Variants in LINGO2 observed in about 807,000 individuals in gnomAD.
LINGO2 encodes leucine rich repeat and Ig domain containing 2.
Under a neutral mutation model 30.6 loss-of-function variants are expected in LINGO2, and 14 were observed. The observed-to-expected ratio is 0.46, with a 90% CI of 0.30 to 0.72. The LOEUF (loss-of-function observed/expected upper bound fraction) is 0.72. LINGO2 is among the 30% of genes least tolerant of loss of function. The pLI is 0.07. For missense variants in LINGO2, 729 were observed against 751.7 expected (o/e 0.97, Z 0.35); for synonymous variants, 317 against 288.5 (o/e 1.10, Z -1.00).
intron 4 of LINGO2, among the ~76,000 whole-genome samples, chr9:28,076,506 T>C (rs555447876): frequency 6.6e-6 from 1 of 152,158 alleles, no homozygotes; most frequent in South Asian, 2.1e-4. Flanking sequence ...ACAAGTTAGA[T>C]GTTATGATGT....
At chr9:28,069,999 G>A (rs1825425822) in intron 4 of LINGO2, among the ~76,000 whole-genome samples, 1 of 152,168 alleles carries the variant, frequency 6.6e-6, no homozygotes, top group Non-Finnish European at 1.5e-5. Context: ...AACAGCAGAT[G>A]GGCAGTGCAG....
chr9:28,488,888 A>G (rs1826276632), intron 1 of LINGO2, among the ~76,000 whole-genome samples: 2 of 152,178 alleles, frequency 1.3e-5, no homozygotes, highest in Admixed American at 6.5e-5. Flanking sequence ...ATGGTGAATA[A>G]GGCTGGATAA....
At chr9:28,463,915 T>C (rs114412407) in intron 2 of LINGO2, among the ~76,000 whole-genome samples, 1,969 of 152,284 alleles carry the variant, frequency 0.013, 36 homozygotes, top group African/African-American at 0.045. Flanking sequence ...TTATTTTTTA[T>C]TTAAAGTTAG....
the LINGO2 span, among the ~76,000 whole-genome samples, chr9:29,029,798 G>A: frequency 6.6e-6 from 1 of 151,882 alleles, no homozygotes; most frequent in Non-Finnish European, 1.5e-5. Flanking sequence ...GCAAGTTTCT[G>A]CCTCAGTTAT....
chr9:28,991,239 G>A, the LINGO2 span, among the ~76,000 whole-genome samples: 52 of 151,770 alleles, frequency 3.4e-4, no homozygotes, highest in Middle Eastern at 3.4e-3. Flanking sequence ...AGGAGCCGAC[G>A]CGATCAACTG....
At chr9:28,491,938 A>G (rs1052838630) in intron 1 of LINGO2, among the ~76,000 whole-genome samples, 17 of 152,182 alleles carry the variant, frequency 1.1e-4, no homozygotes, top group African/African-American at 2.9e-4. Flanking sequence ...AAACTGTGGG[A>G]AAAAGGGTGT....
At chr9:28,669,836 T>A (rs575338124) in intron 1 of LINGO2, among the ~76,000 whole-genome samples, 2 of 152,168 alleles carry the variant, frequency 1.3e-5, no homozygotes, top group Middle Eastern at 3.4e-3. Flanking sequence ...TAAAGAAACA[T>A]CTTCAGTCAC....
chr9:28,294,103 CATG>C (rs1393962521), intron 4 of LINGO2, among the ~76,000 whole-genome samples: 1 of 152,146 alleles, frequency 6.6e-6, no homozygotes, highest in African/African-American at 2.4e-5. Flanking sequence ...TTTATACTCT[CATG>C]ATATCATCTT....
intron 1 of LINGO2, among the ~76,000 whole-genome samples, chr9:28,552,716 T>C (rs946257190): frequency 5.3e-5 from 8 of 151,676 alleles, no homozygotes; most frequent in Admixed American, 1.3e-4. Flanking sequence ...TTTTAAGACG[T>C]TGGATTTTCT....
intron 3 of LINGO2, among the ~76,000 whole-genome samples, chr9:28,312,030 C>T (rs538680539): frequency 4.6e-5 from 7 of 152,172 alleles, no homozygotes; most frequent in Admixed American, 2.6e-4. Context: ...TCAGCCAGTC[C>T]CTCCGTTCGG....
chr9:29,024,802 T>C, the LINGO2 span, among the ~76,000 whole-genome samples: 287 of 152,282 alleles, frequency 1.9e-3, 1 homozygote, highest in African/African-American at 6.5e-3. Context: ...TGCTGAGATG[T>C]ATGCTGAACA....
intron 1 of LINGO2, among the ~76,000 whole-genome samples, chr9:28,615,619 G>A (rs1032259167): frequency 1.3e-5 from 2 of 152,084 alleles, no homozygotes; most frequent in Admixed American, 6.6e-5. Context: ...ATTAACAGAT[G>A]ATTTATAAAA....
chr9:28,766,802 GA>G, the LINGO2 span, among the ~76,000 whole-genome samples: 3 of 102,328 alleles, frequency 2.9e-5, no homozygotes, highest in African/African-American at 1.1e-4. Context: ...GAGAGAGAGA[GA>G]GGGAAGGAGA....
At chr9:29,081,596 A>T in the LINGO2 span, among the ~76,000 whole-genome samples, 1 of 152,138 alleles carries the variant, frequency 6.6e-6, no homozygotes, top group South Asian at 2.1e-4. Context: ...ATCAGGCAGG[A>T]GAAGGAAATA....
the LINGO2 span, among the ~76,000 whole-genome samples, chr9:28,785,902 T>G: frequency 1.3e-5 from 2 of 152,240 alleles, no homozygotes; most frequent in Non-Finnish European, 2.9e-5. Context: ...CATGACAAAA[T>G]GTACACTAAA....
At chr9:28,787,751 T>C in the LINGO2 span, among the ~76,000 whole-genome samples, 2 of 152,176 alleles carry the variant, frequency 1.3e-5, no homozygotes, top group African/African-American at 2.4e-5. Context: ...ACATCTCTTA[T>C]TTACTATGTA....
intron 4 of LINGO2, among the ~76,000 whole-genome samples, chr9:28,091,774 T>G (rs1027873976): frequency 3.9e-5 from 6 of 151,998 alleles, no homozygotes; most frequent in Admixed American, 3.3e-4. Flanking sequence ...ACCTACAGAA[T>G]GGGAGAAAAT....
chr9:29,199,428 C>T, the LINGO2 span, among the ~76,000 whole-genome samples: 1 of 151,982 alleles, frequency 6.6e-6, no homozygotes, highest in East Asian at 1.9e-4. Context: ...TCCACCAAAC[C>T]CAGGGGAAGT....
Position 28,148,124 on chromosome 9 carries a change from C to G in LINGO2, c.-86-135719G>C. On this transcript the variant is annotated intron_variant, in intron 4 of 5. Transcript: ENST00000379992. This position sits in a 1 kb window ranked among gnomAD's most constrained non-coding sequence, Gnocchi z 5.1. ...CGCGGCTCCTGCACCTGTGCCTGCC[C>G]GGGGAATCGTGGGCCGTTTCCCACT... 9.1e-7 allele frequency: 1 copy of G among 1,099,784 alleles called. No individual in the cohort carries two copies. Among genetic ancestry groups the G allele is most frequent in the Non-Finnish European group, 1.2e-6 (1 of 864,964 alleles). The allele number at this position is 1,099,784 out of a possible 1,614,324, so 68.1% of individuals were successfully genotyped here.
Sources: gnomAD v4.1 joint callset for allele counts (sites outside exome capture counted in the v4.1 genomes callset) on GRCh38, gnomAD v4.1.1 for gene constraint, Gnocchi (gnomAD v3.1) non-coding constraint, MANE v1.5 for transcripts, NCBI Gene and HGNC (gene_info 2026-07-23, HGNC 2026-07-21) for gene names.